ANO6: variants seen among roughly 807,000 people sequenced by gnomAD.
The protein encoded by ANO6 is anoctamin 6.
Under a neutral mutation model 117.5 loss-of-function variants are expected in ANO6, and 106 were observed. The ratio of observed to expected loss-of-function variants is 0.90; its 90% CI spans 0.77 to 1.06. The LOEUF is 1.06. Among genes scored for constraint, ANO6 ranks in the 50% least tolerant of loss-of-function variants. ANO6 has a pLI of 0.00. For synonymous variants in ANO6, 367 were observed against 385.1 expected (o/e 0.95, Z 0.55); for missense variants, 955 against 1,121.1 (o/e 0.85, Z 2.12).
intron 1 of ANO6, among the ~76,000 whole-genome samples, chr12:45,288,157 TGCCTGGTACA>T (rs1938978276): frequency 6.6e-6 from 1 of 152,212 alleles, no homozygotes; most frequent in South Asian, 2.1e-4. Context: ...AAGCACCTAC[TGCCTGGTACA>T]GCCTAGCCTA....
intron 1 of ANO6, among the ~76,000 whole-genome samples, chr12:45,285,542 A>C (rs940910854): frequency 6.6e-6 from 1 of 152,158 alleles, no homozygotes; most frequent in Admixed American, 6.5e-5. Flanking sequence ...GGAGATCACC[A>C]ACATGGTGAA....
intron 1 of ANO6, among the ~76,000 whole-genome samples, chr12:45,261,945 C>A (rs544966896): frequency 1.3e-5 from 2 of 152,266 alleles, no homozygotes; most frequent in South Asian, 4.1e-4. Context: ...TGAAGGCAAG[C>A]ACAAATGATA....
intron 3 of ANO6, among the ~76,000 whole-genome samples, chr12:45,340,614 C>T (rs1940953965): frequency 6.6e-6 from 1 of 152,076 alleles, no homozygotes. Context: ...CAGTAAGGCA[C>T]ATAGATAATT....
intron 12 of ANO6, among the ~76,000 whole-genome samples, chr12:45,397,745 A>G (rs1384074220): frequency 2.6e-5 from 4 of 152,178 alleles, no homozygotes; most frequent in Admixed American, 1.3e-4. Flanking sequence ...CCAGAAAACC[A>G]AACACCGCAT....
chr12:45,401,724 G>A, intron 12 of ANO6, 71 bp from the exon 13 acceptor site: 1 of 1,226,660 alleles, frequency 8.2e-7, no homozygotes, highest in Non-Finnish European at 1.2e-6. Flanking sequence ...TGTTAAGTGT[G>A]AGTTCAGTTT....
intron 1 of ANO6, among the ~76,000 whole-genome samples, chr12:45,238,486 C>G (rs1202576997): frequency 1.3e-5 from 2 of 152,084 alleles, no homozygotes; most frequent in East Asian, 3.9e-4. Flanking sequence ...ATCATGTCAT[C>G]TACAAACAGG....
At chr12:45,373,624 C>A (rs370360025) in intron 9 of ANO6, among the ~76,000 whole-genome samples, 6 of 151,978 alleles carry the variant, frequency 3.9e-5, no homozygotes, top group African/African-American at 1.4e-4. Flanking sequence ...GGGTACATAA[C>A]GAAATGAAGG....
intron 1 of ANO6, among the ~76,000 whole-genome samples, chr12:45,291,676 G>A (rs1388982355): frequency 1.3e-5 from 2 of 152,098 alleles, no homozygotes; most frequent in Non-Finnish European, 2.9e-5. Flanking sequence ...AAAAGAATAT[G>A]TACAGATATC....
chr12:45,344,419 G>A lies in ANO6; in HGVS notation c.280-2603G>A, dbSNP rs1941069627. Among the ~76,000 whole-genome samples the A allele has an allele frequency of 1.3e-5, 2 of 152,182 alleles. 1 individual carries two copies. Among genetic ancestry groups the A allele is most frequent in the South Asian group, 4.2e-4 (2 of 4,818 alleles). ...GTTTAAATGGCTCACAGTTCTGCAGGCTGTACAGGAGGCCTCAGGAAACTT... is the reference window on the plus strand; with the variant it reads ...GTTTAAATGGCTCACAGTTCTGCAGACTGTACAGGAGGCCTCAGGAAACTT... On this transcript the variant is annotated intron_variant, in intron 3 of 19. Transcript: ENST00000320560.
At chr12:45,360,330 A>G (rs886742423) in intron 8 of ANO6, among the ~76,000 whole-genome samples, 3 of 152,208 alleles carry the variant, frequency 2.0e-5, no homozygotes, top group African/African-American at 7.2e-5. Context: ...AAGGAGAGGA[A>G]TGCTGCATCT....
At chr12:45,227,452 T>C (rs1592839796) in intron 1 of ANO6, among the ~76,000 whole-genome samples, 1 of 152,086 alleles carries the variant, frequency 6.6e-6, no homozygotes, top group African/African-American at 2.4e-5. Context: ...CCCCTAGAAT[T>C]GATTGAATGA....
chr12:45,235,770 C>A (rs1188382004), intron 1 of ANO6, among the ~76,000 whole-genome samples: 1 of 152,190 alleles, frequency 6.6e-6, no homozygotes, highest in Non-Finnish European at 1.5e-5. Flanking sequence ...AAGTTGAGAA[C>A]TACTCCTGGC....
At chr12:45,397,256 A>G (rs1416152901) in intron 12 of ANO6, among the ~76,000 whole-genome samples, 1 of 152,252 alleles carries the variant, frequency 6.6e-6, no homozygotes, top group Non-Finnish European at 1.5e-5. Context: ...ATCATTGGTC[A>G]TCAGAGAAAT....
intron 1 of ANO6, among the ~76,000 whole-genome samples, chr12:45,250,237 C>A (rs1947881979): frequency 6.6e-6 from 1 of 152,216 alleles, no homozygotes; most frequent in South Asian, 2.1e-4. Context: ...ACATTTCAGA[C>A]AGGTTTTTGA....
chr12:45,254,610 G>A (rs1364997736), intron 1 of ANO6, among the ~76,000 whole-genome samples: 1 of 152,172 alleles, frequency 6.6e-6, no homozygotes, highest in African/African-American at 2.4e-5. Context: ...GTTTAGTTTG[G>A]TAATTTGGTT....
intron 1 of ANO6, among the ~76,000 whole-genome samples, chr12:45,275,688 A>G (rs541504648): frequency 1.3e-5 from 2 of 152,118 alleles, no homozygotes; most frequent in Non-Finnish European, 2.9e-5. Context: ...ATACGTTTCT[A>G]TCTTACTGGA....
chr12:45,355,953 T>C (rs375074178), intron 7 of ANO6, among the ~76,000 whole-genome samples: 2 of 152,206 alleles, frequency 1.3e-5, no homozygotes, highest in South Asian at 2.1e-4. Context: ...GTTAAGTAAA[T>C]CTCCTTATCG....
At chr12:45,295,123 T>C (rs560806437) in intron 1 of ANO6, among the ~76,000 whole-genome samples, 8 of 152,208 alleles carry the variant, frequency 5.3e-5, no homozygotes, top group Non-Finnish European at 1.2e-4. Flanking sequence ...TCCATTGTCC[T>C]GTGTAGCAAT....
chr12:45,398,686 C>T (rs375797870), intron 12 of ANO6, among the ~76,000 whole-genome samples: 4 of 151,866 alleles, frequency 2.6e-5, no homozygotes, highest in East Asian at 1.9e-4. Flanking sequence ...GAATGTTGTG[C>T]GGCGATGAGA....
Sources: gnomAD v4.1 joint callset for allele counts (sites outside exome capture counted in the v4.1 genomes callset) on GRCh38, gnomAD v4.1.1 for gene constraint, MANE v1.5 for transcripts, NCBI Gene and HGNC (gene_info 2026-07-23, HGNC 2026-07-21) for gene names.